Variants in STIM1 observed in about 807,000 individuals in gnomAD.
STIM1 encodes the protein stromal interaction molecule 1.
A neutral mutation model predicts 74.7 loss-of-function variants in STIM1; 25 were observed. That is an observed-to-expected ratio of 0.33 (90% CI 0.24 to 0.47). The LOEUF (loss-of-function observed/expected upper bound fraction) is 0.47, where lower values mean the gene tolerates loss of function less well. Among genes scored for constraint, STIM1 ranks in the 20% least tolerant of loss-of-function variants. The pLI, the probability that STIM1 is intolerant of heterozygous loss-of-function variation, is 1.00. For synonymous variants in STIM1, 328 were observed against 348.8 expected, an observed-to-expected ratio of 0.94 and a Z score of 0.66; for missense variants, 728 against 920.8, an observed-to-expected ratio of 0.79 and a Z score of 2.71.
chr11:3,896,386 T>A (rs1235810733), intron 1 of STIM1, among the ~76,000 whole-genome samples: 1 of 152,220 alleles, frequency 6.6e-6, no homozygotes, highest in Non-Finnish European at 1.5e-5. Context: ...GTAGTTGACT[T>A]ACTCACGATC....
At chr11:4,026,789 C>T (rs2094001312) in intron 3 of STIM1, among the ~76,000 whole-genome samples, 2 of 152,208 alleles carry the variant, frequency 1.3e-5, no homozygotes. Flanking sequence ...TTTGTGTCCT[C>T]TCCTTGTGGA....
At chr11:4,090,087 C>A (rs757560242) in intron 12 of STIM1, among the ~76,000 whole-genome samples, 3 of 152,170 alleles carry the variant, frequency 2.0e-5, no homozygotes, top group Non-Finnish European at 4.4e-5. Context: ...TGGCATGTCT[C>A]CATAACTCAG....
intron 7 of STIM1, among the ~76,000 whole-genome samples, chr11:4,076,043 A>G (rs2094435322): frequency 1.3e-5 from 2 of 152,060 alleles, no homozygotes; most frequent in East Asian, 1.9e-4. Flanking sequence ...AGCATTATTT[A>G]TATATTTTGG....
At chr11:4,023,738 A>G (rs921385675) in intron 2 of STIM1, 135 bp from the exon 3 acceptor site, 2 of 701,892 alleles carry the variant, frequency 2.8e-6, no homozygotes, top group Non-Finnish European at 5.2e-6. Flanking sequence ...GGAAGGATAC[A>G]TGAGTGATGT....
intron 12 of STIM1, among the ~76,000 whole-genome samples, chr11:4,087,528 A>T (rs2094500823): frequency 6.6e-6 from 1 of 152,134 alleles, no homozygotes; most frequent in South Asian, 2.1e-4. Context: ...GGAAGGAGAA[A>T]CAGGTGAGGC....
chr11:3,993,463 C>T (rs764813915), intron 2 of STIM1, among the ~76,000 whole-genome samples: 11 of 152,114 alleles, frequency 7.2e-5, no homozygotes, highest in Non-Finnish European at 1.5e-4. Flanking sequence ...TTGAGACCAG[C>T]CTGGCCAACA....
chr11:4,086,752 C>G, intron 12 of STIM1: 1 of 1,537,376 alleles, frequency 6.5e-7, no homozygotes, highest in Non-Finnish European at 8.7e-7. Flanking sequence ...CCATGTCCAC[C>G]CTGTTTATTA....
intron 1 of STIM1, among the ~76,000 whole-genome samples, chr11:3,878,827 C>T (rs755641718): frequency 1.3e-5 from 2 of 152,196 alleles, no homozygotes; most frequent in Non-Finnish European, 1.5e-5. Context: ...TTGCTAGCTG[C>T]GTCCTGCCCC....
rs1191770342 is a variant in STIM1 at position 4,053,470 on chromosome 11, A to C, written c.386-2056A>C. On this transcript the variant is annotated intron_variant, in intron 3 of 12. Transcript: ENST00000526596. Reference sequence around the variant, plus strand: ...GCTGGAAACCATCATTCTCAGCAAAATATCGCAAGAACAAAAAACCAAACA... The same window carrying C: ...GCTGGAAACCATCATTCTCAGCAAACTATCGCAAGAACAAAAAACCAAACA... 1.1e-4 allele frequency among the ~76,000 whole-genome samples: 16 copies of C among 152,096 alleles called. No individual in the cohort carries two copies. In the East Asian group the frequency reaches 3.1e-3, roughly 29 times the overall value.
chr11:3,910,334 A>G (rs934998224), intron 1 of STIM1, among the ~76,000 whole-genome samples: 1 of 152,206 alleles, frequency 6.6e-6, no homozygotes. Context: ...GTTTATTGAA[A>G]GCCAAAAGTA....
At chr11:4,007,371 C>G (rs779595640) in intron 2 of STIM1, among the ~76,000 whole-genome samples, 2 of 152,160 alleles carry the variant, frequency 1.3e-5, no homozygotes, top group African/African-American at 2.4e-5. Flanking sequence ...TACTTTTAAA[C>G]TTTGTCTTAA....
At chr11:4,027,639 T>G (rs138309943) in intron 3 of STIM1, among the ~76,000 whole-genome samples, 239 of 152,280 alleles carry the variant, frequency 1.6e-3, no homozygotes, top group African/African-American at 5.3e-3. Flanking sequence ...ATTAGCTACT[T>G]TCATATGACC....
rs779843723 is a variant in STIM1 at position 4,082,890 on chromosome 11, G to A, written c.1146G>A (p.Lys382=). The A allele has an allele frequency of 2.5e-6, 4 of 1,614,062 alleles. No individual in the cohort carries two copies. The Admixed American group carries it at 5.0e-5, about 20-fold the overall frequency. The change falls in exon 9 of 13, where the codon AAG becomes AAA. Residue 382 remains lysine (K), a synonymous_variant. Transcript: ENST00000526596. ...GGGCCTCATCTTTGCAGGCTGAGAA[G>A]ATAAAAAAGAAGAGAAACACACTCT... is the stretch of plus-strand genomic sequence containing the variant. ...QLLVAKEGAE[K]IKKKRNTLFG...
chr11:3,892,605 G>A, intron 1 of STIM1: 1 of 1,602,682 alleles, frequency 6.2e-7, no homozygotes, highest in Non-Finnish European at 8.5e-7. Context: ...AAGATGCCAG[G>A]ACCTGTATGC....
At chr11:3,906,183 G>A (rs1187440773) in intron 1 of STIM1, among the ~76,000 whole-genome samples, 1 of 152,202 alleles carries the variant, frequency 6.6e-6, no homozygotes. Flanking sequence ...TGAGCTGTAG[G>A]ATGCACTCTC....
intron 4 of STIM1, among the ~76,000 whole-genome samples, chr11:4,057,913 G>A (rs2094303551): frequency 6.6e-6 from 1 of 151,986 alleles, no homozygotes; most frequent in South Asian, 2.1e-4. Context: ...ATGGAACTGA[G>A]TTCTTAAGGT....
At chr11:4,047,820 CT>C (rs551025610) in intron 3 of STIM1, among the ~76,000 whole-genome samples, 127 of 133,034 alleles carry the variant, frequency 9.5e-4, no homozygotes, top group Middle Eastern at 4.0e-3. Flanking sequence ...ACCTGTCTCT[CT>C]TTTTTTTTTT....
chr11:3,993,515 G>A (rs1258735417), intron 2 of STIM1, among the ~76,000 whole-genome samples: 2 of 152,138 alleles, frequency 1.3e-5, no homozygotes, highest in Non-Finnish European at 2.9e-5. Context: ...AATTAGCCGG[G>A]CGTGGTGGCA....
chr11:3,989,410 T>C lies in STIM1; in HGVS notation c.270+21728T>C, dbSNP rs2093587764. The C allele has an allele frequency of 1.2e-5, 9 of 739,884 alleles. No homozygotes were observed. The Admixed American group carries it at 1.4e-4, about 11-fold the overall frequency. 45.8% of individuals were successfully genotyped at this position (739,884 alleles called of 1,614,324 possible). On this transcript the variant is annotated intron_variant, in intron 2 of 12. Transcript: ENST00000526596. The stretch of plus-strand genomic sequence containing the variant: ...AGCAGACAACCGCGCCGATCTCCTC[T>C]TGGGCTCTTCCTTGGCGGCCCCTTC...
Sources: gnomAD v4.1 joint callset for allele counts (sites outside exome capture counted in the v4.1 genomes callset) on GRCh38, gnomAD v4.1.1 for gene constraint, MANE v1.5 for transcripts, NCBI Gene and HGNC (gene_info 2026-07-23, HGNC 2026-07-21) for gene names.